Variants in ADK observed in about 807,000 individuals in gnomAD.
The protein encoded by ADK is adenosine kinase.
A neutral mutation model predicts 44.7 loss-of-function variants in ADK; 24 were observed. That is an observed-to-expected ratio of 0.54 (90% CI 0.39 to 0.76). The LOEUF is 0.76. Ranked by LOEUF, ADK falls within the 30% of genes least tolerant of loss-of-function variation. The probability of loss-of-function intolerance (pLI) is 0.00; values close to 1 mark genes in which losing one functional copy is unlikely to be tolerated. For synonymous variants in ADK, 128 were observed against 142.6 expected, an observed-to-expected ratio of 0.90 and a Z score of 0.73; for missense variants, 321 against 425.1, an observed-to-expected ratio of 0.76 and a Z score of 2.15.
intron 2 of ADK, among the ~76,000 whole-genome samples, chr10:74,205,629 T>C (rs1044808177): frequency 6.7e-6 from 1 of 148,504 alleles, no homozygotes; most frequent in African/African-American, 2.5e-5. Flanking sequence ...TAAGCTGAGA[T>C]TGCACCACTG....
At chr10:74,396,370 C>CA (rs1044790518) in intron 5 of ADK, among the ~76,000 whole-genome samples, 10 of 151,856 alleles carry the variant, frequency 6.6e-5, no homozygotes, top group African/African-American at 2.4e-4. Context: ...TCCATCTCTA[C>CA]AAAAAATACA....
intron 10 of ADK, among the ~76,000 whole-genome samples, chr10:74,698,781 A>T (rs1856300015): frequency 6.6e-6 from 1 of 150,998 alleles, no homozygotes; most frequent in Non-Finnish European, 1.5e-5. Context: ...CTGGTCTCAA[A>T]CTTCTGGGCT....
intron 9 of ADK, among the ~76,000 whole-genome samples, chr10:74,659,642 CT>C (rs1589343893): frequency 6.6e-6 from 1 of 152,120 alleles, no homozygotes; most frequent in Admixed American, 6.5e-5. Flanking sequence ...GTAGTATTAA[CT>C]CACACAATCA....
At chr10:74,448,392 A>G (rs1233758751) in intron 6 of ADK, among the ~76,000 whole-genome samples, 1 of 152,180 alleles carries the variant, frequency 6.6e-6, no homozygotes, top group East Asian at 1.9e-4. Context: ...CCATCTATGC[A>G]ATAAGAATCA....
At chr10:74,319,375 G>T (rs1364537332) in intron 4 of ADK, among the ~76,000 whole-genome samples, 1 of 152,190 alleles carries the variant, frequency 6.6e-6, no homozygotes, top group Non-Finnish European at 1.5e-5. Flanking sequence ...TTAGCCTGCA[G>T]ATGGCTACCC....
Position 74,548,265 on chromosome 10 carries a change from T to C in ADK, c.726+22839T>C, listed in dbSNP as rs573362489. Among the ~76,000 whole-genome samples the C allele has an allele frequency of 2.6e-5, 4 of 152,304 alleles. No homozygotes were observed. In the South Asian group the frequency reaches 8.3e-4, roughly 32 times the overall value. ...GAAATAAACTTTGTAAATAAATCTT[T>C]GTTGTAATTTTAATTTCTGAATCTA... On this transcript the variant is annotated intron_variant, in intron 7 of 10. Coordinates refer to ENST00000539909, the MANE Select transcript of ADK (RefSeq NM_006721.4).
chr10:74,160,657 G>T (rs1442034509), intron 1 of ADK, among the ~76,000 whole-genome samples: 1 of 151,858 alleles, frequency 6.6e-6, no homozygotes, highest in East Asian at 1.9e-4. Flanking sequence ...GTGCGTGCAT[G>T]CAGGTAGGGG....
chr10:74,670,605 T>C (rs897382195), intron 10 of ADK, among the ~76,000 whole-genome samples: 2 of 152,238 alleles, frequency 1.3e-5, no homozygotes, highest in African/African-American at 4.8e-5. Flanking sequence ...AACACATTTT[T>C]GTTCTTTAAA....
intron 7 of ADK, among the ~76,000 whole-genome samples, chr10:74,534,248 G>T (rs1005552199): frequency 6.6e-6 from 1 of 152,172 alleles, no homozygotes; most frequent in Non-Finnish European, 1.5e-5. Flanking sequence ...CTTTTAGTTT[G>T]TGCAGATAAT....
At chr10:74,475,558 A>G (rs370886530) in intron 6 of ADK, among the ~76,000 whole-genome samples, 1 of 145,924 alleles carries the variant, frequency 6.9e-6, no homozygotes, top group East Asian at 2.0e-4. Flanking sequence ...AAAAAAAAAA[A>G]TTAGCCAGGC....
chr10:74,428,461 A>G (rs1297766146), intron 6 of ADK, among the ~76,000 whole-genome samples: 1 of 152,222 alleles, frequency 6.6e-6, no homozygotes, highest in East Asian at 1.9e-4. Context: ...GGGCAATTTG[A>G]GCATCAAATA....
At chr10:74,558,025 C>G (rs1041233686) in intron 7 of ADK, among the ~76,000 whole-genome samples, 1 of 152,068 alleles carries the variant, frequency 6.6e-6, no homozygotes, top group Non-Finnish European at 1.5e-5. Context: ...GAGCAAGCCA[C>G]GATGCACTGG....
At chr10:74,191,550 C>A (rs1842952147) in intron 1 of ADK, among the ~76,000 whole-genome samples, 1 of 152,104 alleles carries the variant, frequency 6.6e-6, no homozygotes, top group Non-Finnish European at 1.5e-5. Flanking sequence ...CCACACCTGG[C>A]CTAAACATTT....
At chr10:74,541,195 A>G (rs1849615087) in intron 7 of ADK, among the ~76,000 whole-genome samples, 1 of 152,004 alleles carries the variant, frequency 6.6e-6, no homozygotes, top group African/African-American at 2.4e-5. Flanking sequence ...TTGTATTACT[A>G]GTAGAGACGG....
At chr10:74,684,217 C>T (rs1193240623) in intron 10 of ADK, among the ~76,000 whole-genome samples, 2 of 152,170 alleles carry the variant, frequency 1.3e-5, no homozygotes, top group Non-Finnish European at 2.9e-5. Flanking sequence ...TTTATTAAAA[C>T]TTTCCCTAGT....
chr10:74,310,114 GT>G (rs1840384347), intron 3 of ADK, among the ~76,000 whole-genome samples: 1 of 151,986 alleles, frequency 6.6e-6, no homozygotes. Context: ...TTCCAATTCT[GT>G]CAGGCTTTTG....
intron 6 of ADK, among the ~76,000 whole-genome samples, chr10:74,524,481 C>T (rs894842915): frequency 3.3e-5 from 5 of 152,128 alleles, no homozygotes; most frequent in Non-Finnish European, 5.9e-5. Flanking sequence ...CAACCTCCAC[C>T]ACCTGGGCTA....
intron 9 of ADK, among the ~76,000 whole-genome samples, chr10:74,608,403 C>T (rs752034099): frequency 5.3e-5 from 8 of 152,042 alleles, no homozygotes; most frequent in Non-Finnish European, 8.8e-5. Flanking sequence ...TGGTGACCTT[C>T]GGATGGGGTT....
chr10:74,476,814 A>G (rs1210954461), intron 6 of ADK, among the ~76,000 whole-genome samples: 1 of 152,180 alleles, frequency 6.6e-6, no homozygotes, highest in Non-Finnish European at 1.5e-5. Flanking sequence ...CCACCTGCCA[A>G]CCATGGGAAA....
Sources: allele counts gnomAD v4.1 joint callset (sites outside exome capture counted in the v4.1 genomes callset), GRCh38; gene constraint gnomAD v4.1.1; transcripts MANE v1.5; gene names NCBI Gene and HGNC (gene_info 2026-07-23, HGNC 2026-07-21).